Variants in ITGBL1 observed in about 807,000 individuals in gnomAD.
ITGBL1 encodes the protein integrin subunit beta like 1, also known as integrin beta-like protein 1.
In ITGBL1, 51 loss-of-function variants were observed where a neutral mutation model predicts 68.5. The ratio of observed to expected loss-of-function variants is 0.74; its 90% CI spans 0.59 to 0.94. The LOEUF (loss-of-function observed/expected upper bound fraction) is 0.94, where lower values mean the gene tolerates loss of function less well. Ranked by LOEUF, ITGBL1 falls within the 40% of genes least tolerant of loss-of-function variation. The pLI is 0.00. For synonymous variants in ITGBL1, 209 were observed against 227.3 expected, an observed-to-expected ratio of 0.92 and a Z score of 0.72; for missense variants, 649 against 647.4, an observed-to-expected ratio of 1.00 and a Z score of -0.03.
At chr13:101,643,175 A>T (rs2032446753) in intron 7 of ITGBL1, among the ~76,000 whole-genome samples, 2 of 151,818 alleles carry the variant, frequency 1.3e-5, no homozygotes, top group Admixed American at 1.3e-4. Flanking sequence ...TTTTCATGAT[A>T]TTGATTCTTC....
intron 7 of ITGBL1, among the ~76,000 whole-genome samples, chr13:101,598,897 C>T (rs1176409998): frequency 7.2e-5 from 11 of 152,176 alleles, no homozygotes; most frequent in South Asian, 4.1e-4. Context: ...AATAAACATA[C>T]GTGTGCATGT....
intron 2 of ITGBL1, among the ~76,000 whole-genome samples, chr13:101,533,456 A>T (rs1412205690): frequency 6.6e-6 from 1 of 152,222 alleles, no homozygotes; most frequent in East Asian, 1.9e-4. Context: ...TTAGAAGCAG[A>T]CTTAAAACTG....
chr13:101,657,602 T>C (rs1594959932), intron 7 of ITGBL1, among the ~76,000 whole-genome samples: 1 of 152,350 alleles, frequency 6.6e-6, no homozygotes, highest in South Asian at 2.1e-4. Flanking sequence ...TTGTTGTAGA[T>C]TTTTTAAAGT....
intron 2 of ITGBL1, among the ~76,000 whole-genome samples, chr13:101,480,249 T>C (rs1299172403): frequency 6.6e-6 from 1 of 151,974 alleles, no homozygotes; most frequent in African/African-American, 2.4e-5. Context: ...CCTCACTAAG[T>C]TGTGGGAGCT....
intron 2 of ITGBL1, among the ~76,000 whole-genome samples, chr13:101,516,062 T>A (rs1003259767): frequency 1.3e-5 from 2 of 152,182 alleles, no homozygotes; most frequent in South Asian, 2.1e-4. Flanking sequence ...CCCCTTTTTT[T>A]ATCCATTATG....
At position 101,631,501 on chromosome 13, in the gene ITGBL1, A is replaced by C. The variant is rs531942638; in HGVS notation, c.1015+33202A>C. Reference sequence around the variant, plus strand: ...GACACATTTTCAGATACCCACACAGAGAAACTGCAGAAGAGAAGTGCAAAC... The same window carrying C: ...GACACATTTTCAGATACCCACACAGCGAAACTGCAGAAGAGAAGTGCAAAC... On this transcript the variant is annotated intron_variant, in intron 7 of 10. Coordinates refer to ENST00000376180, the MANE Select transcript of ITGBL1 (RefSeq NM_004791.3). 4.6e-5 allele frequency among the ~76,000 whole-genome samples: 7 copies of C among 152,282 alleles called. No homozygotes were observed. The South Asian group carries it at 1.5e-3, about 32-fold the overall frequency.
At chr13:101,571,536 A>G (rs1303906999) in intron 3 of ITGBL1, among the ~76,000 whole-genome samples, 1 of 152,132 alleles carries the variant, frequency 6.6e-6, no homozygotes, top group East Asian at 1.9e-4. Context: ...GTACACTAAC[A>G]TGCTTCTAAA....
At chr13:101,460,560 G>T (rs966817939) in intron 2 of ITGBL1, among the ~76,000 whole-genome samples, 1 of 152,200 alleles carries the variant, frequency 6.6e-6, no homozygotes, top group Non-Finnish European at 1.5e-5. Context: ...CAATTGTACT[G>T]CTTTATTTGG....
intron 2 of ITGBL1, among the ~76,000 whole-genome samples, chr13:101,470,554 A>C (rs78807351): frequency 0.054 from 8,151 of 152,156 alleles, 229 homozygotes; most frequent in Middle Eastern, 0.065. Flanking sequence ...GTGCATCTCA[A>C]CATTTACCCT....
intron 2 of ITGBL1, among the ~76,000 whole-genome samples, chr13:101,460,245 G>T (rs1488344553): frequency 6.6e-6 from 1 of 152,092 alleles, no homozygotes; most frequent in Non-Finnish European, 1.5e-5. Context: ...CACCAAGCAC[G>T]TAAGAATATT....
At chr13:101,481,264 T>TGGG (rs1366064267) in intron 2 of ITGBL1, among the ~76,000 whole-genome samples, 1 of 151,934 alleles carries the variant, frequency 6.6e-6, no homozygotes, top group East Asian at 1.9e-4. Context: ...AAGGAGTTTC[T>TGGG]GGGACATCAC....
intron 2 of ITGBL1, among the ~76,000 whole-genome samples, chr13:101,491,309 C>A (rs537563790): frequency 6.6e-6 from 1 of 152,166 alleles, no homozygotes; most frequent in Non-Finnish European, 1.5e-5. Flanking sequence ...TCCTTCTCCC[C>A]GTTACCATCA....
chr13:101,603,079 T>G (rs2030488415), intron 7 of ITGBL1, among the ~76,000 whole-genome samples: 1 of 151,998 alleles, frequency 6.6e-6, no homozygotes, highest in Non-Finnish European at 1.5e-5. Context: ...TTTTAATTTC[T>G]TTGGGGTCTG....
At chr13:101,625,152 T>A (rs1489908428) in intron 7 of ITGBL1, among the ~76,000 whole-genome samples, 1 of 152,174 alleles carries the variant, frequency 6.6e-6, no homozygotes, top group Non-Finnish European at 1.5e-5. Context: ...GGTTGTAGAT[T>A]TAATCATCAT....
chr13:101,715,947 G>A lies in ITGBL1; in HGVS notation c.*293G>A, dbSNP rs538626366. 1.2e-5 allele frequency: 4 copies of A among 328,222 alleles called. No individual in the cohort carries two copies. The highest frequency in any genetic ancestry group is 4.3e-5 in the African/African-American group (2 of 46,740). 20.3% of individuals were successfully genotyped at this position (328,222 alleles called of 1,614,324 possible). A position where few individuals can be genotyped will look rare whatever the true frequency, so the allele number is the denominator to read the frequency against. Reference sequence around the variant, plus strand: ...GCAACATCTACAGACAATTTTGATTGTCACACTGGGTCGGGTAGGAAGGTA... The same window carrying A: ...GCAACATCTACAGACAATTTTGATTATCACACTGGGTCGGGTAGGAAGGTA... On this transcript the variant is annotated 3_prime_UTR_variant, in exon 11 of 11. Coordinates refer to ENST00000376180, the MANE Select transcript of ITGBL1 (RefSeq NM_004791.3).
At chr13:101,552,842 T>A (rs2049943171) in intron 2 of ITGBL1, among the ~76,000 whole-genome samples, 1 of 152,190 alleles carries the variant, frequency 6.6e-6, no homozygotes, top group African/African-American at 2.4e-5. Flanking sequence ...CATTTGTAGA[T>A]CATAAGGTGA....
intron 7 of ITGBL1, among the ~76,000 whole-genome samples, chr13:101,631,596 G>T (rs1167511814): frequency 1.3e-5 from 2 of 152,234 alleles, no homozygotes; most frequent in Admixed American, 6.5e-5. Flanking sequence ...GATGTCAAAT[G>T]AGCTAACTAT....
intron 7 of ITGBL1, among the ~76,000 whole-genome samples, chr13:101,654,603 A>C (rs1413225641): frequency 5.9e-5 from 9 of 152,122 alleles, no homozygotes; most frequent in African/African-American, 2.2e-4. Context: ...TGAGGAGCTG[A>C]CTCGATGGTG....
chr13:101,517,790 A>G (rs1180834777), intron 2 of ITGBL1, among the ~76,000 whole-genome samples: 1 of 152,162 alleles, frequency 6.6e-6, no homozygotes, highest in African/African-American at 2.4e-5. Context: ...GTGAATTACA[A>G]TGGGTTCAGA....
Sources: gnomAD v4.1 joint callset for allele counts (sites outside exome capture counted in the v4.1 genomes callset) on GRCh38, gnomAD v4.1.1 for gene constraint, MANE v1.5 for transcripts, NCBI Gene and HGNC (gene_info 2026-07-23, HGNC 2026-07-21) for gene names.